The following TGFBR3 variants were observed in gnomAD, a reference collection of about 807,000 sequenced individuals.
The protein encoded by TGFBR3 is transforming growth factor beta receptor 3, also known as transforming growth factor beta receptor type 3.
TGFBR3 carries 46 observed loss-of-function variants against 87.9 expected under a neutral mutation model. That is an observed-to-expected ratio of 0.52 (90% CI 0.41 to 0.67). The LOEUF is 0.67. TGFBR3 is among the 30% of genes least tolerant of loss of function. The probability of loss-of-function intolerance (pLI) is 0.00; values close to 1 mark genes in which losing one functional copy is unlikely to be tolerated. For synonymous variants in TGFBR3, 381 were observed against 391.6 expected (o/e 0.97, Z 0.32); for missense variants, 866 against 1,041.9 (o/e 0.83, Z 2.32).
At chr1:91,871,139 C>T (rs778079569) in intron 1 of TGFBR3, among the ~76,000 whole-genome samples, 6 of 152,094 alleles carry the variant, frequency 3.9e-5, no homozygotes, top group Non-Finnish European at 5.9e-5. Flanking sequence ...CACGCCCATG[C>T]TCTTAACTAC....
intron 15 of TGFBR3, 77 bp downstream of exon 15, chr1:91,698,012 G>A: frequency 7.3e-7 from 1 of 1,378,848 alleles, no homozygotes; most frequent in Non-Finnish European, 1.0e-6. Flanking sequence ...CTCAAAGTTT[G>A]GCAAATGTTC....
chr1:91,871,667 T>C (rs1436391147), intron 1 of TGFBR3, among the ~76,000 whole-genome samples: 4 of 152,016 alleles, frequency 2.6e-5, no homozygotes, highest in Non-Finnish European at 4.4e-5. Context: ...TATGACAATA[T>C]CTAAAGGAAA....
intron 4 of TGFBR3, among the ~76,000 whole-genome samples, chr1:91,746,561 T>C (rs1312337174): frequency 6.6e-6 from 1 of 152,218 alleles, no homozygotes. Context: ...CATATTCCTT[T>C]ATCTAATTTT....
chr1:91,698,010 T>G, intron 15 of TGFBR3, 79 bp downstream of exon 15: 1 of 1,357,446 alleles, frequency 7.4e-7, no homozygotes, highest in Non-Finnish European at 1.1e-6. Flanking sequence ...AACTCAAAGT[T>G]TGGCAAATGT....
chr1:91,883,127 G>T (rs1222169243), intron 1 of TGFBR3, among the ~76,000 whole-genome samples: 1 of 152,098 alleles, frequency 6.6e-6, no homozygotes, highest in Admixed American at 6.6e-5. Flanking sequence ...TTTCTCCCAG[G>T]TAAGTTGAAA....
chr1:91,742,206 C>G (rs1344926070), intron 4 of TGFBR3, among the ~76,000 whole-genome samples: 1 of 152,174 alleles, frequency 6.6e-6, no homozygotes, highest in Non-Finnish European at 1.5e-5. Flanking sequence ...AGTGACTGTA[C>G]AGACCTTTAG....
intron 1 of TGFBR3, among the ~76,000 whole-genome samples, chr1:91,875,188 C>T (rs1471589115): frequency 6.6e-6 from 1 of 152,152 alleles, no homozygotes; most frequent in Non-Finnish European, 1.5e-5. Flanking sequence ...AAACAACATT[C>T]TCACGAGGCA....
At chr1:91,787,734 G>A (rs1416164016) in intron 3 of TGFBR3, among the ~76,000 whole-genome samples, 2 of 152,130 alleles carry the variant, frequency 1.3e-5, no homozygotes, top group Non-Finnish European at 2.9e-5. Flanking sequence ...CAGCACTTTG[G>A]GAGTCCAAGG....
At position 91,683,657 on chromosome 1, in the gene TGFBR3, G is replaced by T; in HGVS notation, c.*82C>A. 1 of 1,157,856 alleles carries T rather than the reference G, an allele frequency of 8.6e-7. No homozygotes were observed. Among genetic ancestry groups the T allele is most frequent in the Non-Finnish European group, 1.2e-6 (1 of 808,168 alleles). The allele number at this position is 1,157,856 out of a possible 1,614,324, so 71.7% of individuals were successfully genotyped here. ...TCCAGCCCTCTGAGTCTGGACACGA[G>T]GCTCAGCCATTGGTCCTGCCCTTGG... On this transcript the variant is annotated 3_prime_UTR_variant, in exon 17 of 17. Transcript: ENST00000212355.
intron 12 of TGFBR3, among the ~76,000 whole-genome samples, chr1:91,714,948 C>T (rs897649447): frequency 2.0e-5 from 3 of 152,260 alleles, no homozygotes; most frequent in African/African-American, 4.8e-5. Flanking sequence ...CCAGCGGGCT[C>T]TGTCCCAGAG....
intron 1 of TGFBR3, among the ~76,000 whole-genome samples, chr1:91,878,059 T>C (rs1452368288): frequency 6.6e-6 from 1 of 152,226 alleles, no homozygotes; most frequent in Non-Finnish European, 1.5e-5. Flanking sequence ...CAAAGTTAAA[T>C]TTAATTTGCC....
chr1:91,695,449 C>T, intron 16 of TGFBR3: 1 of 529,784 alleles, frequency 1.9e-6, no homozygotes, highest in South Asian at 2.1e-5. Context: ...ATTTCACCAA[C>T]ATCACAATCG....
chr1:91,736,800 G>C (rs1373152102), intron 4 of TGFBR3, among the ~76,000 whole-genome samples: 1 of 152,174 alleles, frequency 6.6e-6, no homozygotes, highest in African/African-American at 2.4e-5. Flanking sequence ...CCCACTGCCA[G>C]CACAGTTCTG....
intron 2 of TGFBR3, among the ~76,000 whole-genome samples, chr1:91,894,466 C>A (rs1679512635): frequency 6.6e-6 from 1 of 152,254 alleles, no homozygotes. Context: ...TTGTTGCCCA[C>A]ACTTCTTCAT....
chr1:91,865,220 GA>G (rs1211643677), intron 1 of TGFBR3, among the ~76,000 whole-genome samples: 8 of 98,124 alleles, frequency 8.2e-5, no homozygotes, highest in African/African-American at 3.0e-4. Flanking sequence ...AAAAAAAAAA[GA>G]AAAAAAGAAA....
chr1:91,831,982 T>C (rs1676869023), intron 2 of TGFBR3, among the ~76,000 whole-genome samples: 1 of 152,224 alleles, frequency 6.6e-6, no homozygotes, highest in South Asian at 2.1e-4. Context: ...CTCCTTAAAA[T>C]TGTCATTTTT....
At chr1:91,704,327 C>CA (rs68141642) in intron 14 of TGFBR3, among the ~76,000 whole-genome samples, 45 of 131,516 alleles carry the variant, frequency 3.4e-4, no homozygotes, top group Middle Eastern at 3.8e-3. Flanking sequence ...GACTTTGTCT[C>CA]AAAAAAAAAA....
chr1:91,709,913 C>T (rs1671922468), intron 13 of TGFBR3, among the ~76,000 whole-genome samples: 1 of 152,062 alleles, frequency 6.6e-6, no homozygotes, highest in Admixed American at 6.5e-5. Flanking sequence ...AGGTGTGCAC[C>T]ACTACACCCA....
chr1:91,872,308 C>T (rs149135184), intron 1 of TGFBR3, among the ~76,000 whole-genome samples: 1 of 152,218 alleles, frequency 6.6e-6, no homozygotes, highest in Non-Finnish European at 1.5e-5. Context: ...TGAGGATTTA[C>T]GGTATTGGTT....
Sources: gnomAD v4.1 joint callset for allele counts (sites outside exome capture counted in the v4.1 genomes callset) on GRCh38, gnomAD v4.1.1 for gene constraint, MANE v1.5 for transcripts, NCBI Gene and HGNC (gene_info 2026-07-23, HGNC 2026-07-21) for gene names.